CSMD1: variants seen among roughly 807,000 people sequenced by gnomAD.
The protein encoded by CSMD1 is CUB and sushi domain-containing protein 1.
A neutral mutation model predicts 417.5 loss-of-function variants in CSMD1; 213 were observed. The ratio of observed to expected loss-of-function variants is 0.51; its 90% CI spans 0.46 to 0.57. The LOEUF (loss-of-function observed/expected upper bound fraction) is 0.57, where lower values mean the gene tolerates loss of function less well. Among genes scored for constraint, CSMD1 ranks in the 20% least tolerant of loss-of-function variants. CSMD1 has a pLI of 0.00. For missense variants in CSMD1, 6,923 were observed against 4,529.7 expected (o/e 1.53, Z -15.17); for synonymous variants, 2,862 against 1,736.8 (o/e 1.65, Z -16.11).
chr8:3,304,694 C>G (rs1554507732), intron 25 of CSMD1, among the ~76,000 whole-genome samples: 8 of 150,418 alleles, frequency 5.3e-5, no homozygotes. Context: ...GCAATAAAAA[C>G]TGCACGTTTT....
chr8:3,481,611 G>C (rs1481267327), intron 11 of CSMD1, among the ~76,000 whole-genome samples: 1 of 152,144 alleles, frequency 6.6e-6, no homozygotes. Context: ...ATCGAAATGT[G>C]GGGGATTGTC....
rs76237440 is a variant in CSMD1, at chr8:4,025,531, T to G, written c.610+6374A>C. Among the ~76,000 whole-genome samples, 24 of 152,334 alleles carry G rather than the reference T, an allele frequency of 1.6e-4. No homozygotes were observed. In the East Asian group the frequency reaches 2.1e-3, roughly 13 times the overall value. ...TTTTCATTGAAACTATCTAGCTGCT[T>G]CTTCTCTTTTTTCATATTTCTCCCC... is the stretch of plus-strand genomic sequence containing the variant. On this transcript the variant is annotated intron_variant, in intron 4 of 69. Coordinates refer to ENST00000635120, the MANE Select transcript of CSMD1 (RefSeq NM_033225.6).
intron 3 of CSMD1, among the ~76,000 whole-genome samples, chr8:4,154,964 T>G (rs1271873974): frequency 1.3e-5 from 2 of 152,160 alleles, no homozygotes; most frequent in African/African-American, 2.4e-5. Context: ...GAAAATTAAG[T>G]GGGCTACCCT....
chr8:3,993,717 G>C (rs771610572), intron 5 of CSMD1, among the ~76,000 whole-genome samples: 1 of 152,142 alleles, frequency 6.6e-6, no homozygotes. Flanking sequence ...GAAGTCATAA[G>C]GCAGCCCTAA....
At chr8:3,804,679 A>C (rs1234904574) in intron 5 of CSMD1, among the ~76,000 whole-genome samples, 1 of 152,214 alleles carries the variant, frequency 6.6e-6, no homozygotes, top group Non-Finnish European at 1.5e-5. Flanking sequence ...AATTAAGAGA[A>C]ATGTGAGTAG....
At chr8:4,092,783 C>T (rs1361062459) in intron 3 of CSMD1, among the ~76,000 whole-genome samples, 1 of 152,072 alleles carries the variant, frequency 6.6e-6, no homozygotes, top group Non-Finnish European at 1.5e-5. Context: ...TGTATTATTT[C>T]ATGAAATCTA....
chr8:4,833,780 A>T (rs190968949), intron 1 of CSMD1, among the ~76,000 whole-genome samples: 6 of 152,166 alleles, frequency 3.9e-5, no homozygotes, highest in Non-Finnish European at 8.8e-5. Flanking sequence ...TTAGGATATG[A>T]TCCCATGGAA....
At chr8:3,906,056 G>A (rs561815432) in intron 5 of CSMD1, among the ~76,000 whole-genome samples, 3 of 152,126 alleles carry the variant, frequency 2.0e-5, no homozygotes, top group Non-Finnish European at 2.9e-5. Flanking sequence ...GAGAGGAGGT[G>A]AAGAGACTCA....
chr8:3,633,546 C>G (rs558540407), intron 7 of CSMD1, among the ~76,000 whole-genome samples: 2 of 152,252 alleles, frequency 1.3e-5, no homozygotes, highest in South Asian at 2.1e-4. Flanking sequence ...ATTAGTGGTG[C>G]ACGCACGTCA....
chr8:3,118,244 C>CTAATTAATATTAGAATTAATTTAATT (rs1241395682), intron 42 of CSMD1, among the ~76,000 whole-genome samples, 155 bp downstream of exon 42: 2 of 152,138 alleles, frequency 1.3e-5, no homozygotes, highest in East Asian at 3.9e-4. Flanking sequence ...GCGACATATT[C>CTAATTAATATTAGAATTAATTTAATT]CTTAAATACT....
At chr8:4,176,427 C>T (rs997126424) in intron 3 of CSMD1, among the ~76,000 whole-genome samples, 19 of 152,124 alleles carry the variant, frequency 1.2e-4, no homozygotes, top group African/African-American at 4.3e-4. Context: ...ATGATTTTTA[C>T]CTTGGAAGCT....
At chr8:2,979,381 G>T (rs1024267776) in intron 54 of CSMD1, among the ~76,000 whole-genome samples, 1 of 152,260 alleles carries the variant, frequency 6.6e-6, no homozygotes, top group African/African-American at 2.4e-5. Context: ...CCGTGGTGAG[G>T]CAGTCTTCTG....
chr8:3,675,530 T>C (rs1799327916), intron 7 of CSMD1, among the ~76,000 whole-genome samples: 1 of 152,162 alleles, frequency 6.6e-6, no homozygotes, highest in Admixed American at 6.5e-5. Context: ...TCCAATGAGA[T>C]GGTGTTTGGA....
intron 8 of CSMD1, among the ~76,000 whole-genome samples, chr8:3,604,187 A>T (rs1300339425): frequency 6.6e-6 from 1 of 152,210 alleles, no homozygotes; most frequent in Non-Finnish European, 1.5e-5. Context: ...GGGCAGATAG[A>T]AAATATATAA....
intron 3 of CSMD1, among the ~76,000 whole-genome samples, chr8:4,214,674 G>A (rs896113028): frequency 3.9e-5 from 6 of 152,144 alleles, no homozygotes; most frequent in African/African-American, 1.4e-4. Flanking sequence ...ATGAGTATGA[G>A]TGTGTTTGGT....
At chr8:3,969,534 G>A (rs567291396) in intron 5 of CSMD1, among the ~76,000 whole-genome samples, 3 of 152,064 alleles carry the variant, frequency 2.0e-5, no homozygotes, top group Admixed American at 1.3e-4. Flanking sequence ...TGAAATCTCT[G>A]TAAAATGAAA....
chr8:4,239,489 C>T (rs190873973), intron 3 of CSMD1, among the ~76,000 whole-genome samples: 4 of 152,204 alleles, frequency 2.6e-5, no homozygotes, highest in African/African-American at 9.6e-5. Flanking sequence ...CTCAGATCAG[C>T]TGCCCCACCC....
intron 37 of CSMD1, among the ~76,000 whole-genome samples, chr8:3,177,232 T>C (rs1259105011): frequency 6.6e-6 from 1 of 152,190 alleles, no homozygotes; most frequent in African/African-American, 2.4e-5. Context: ...CGTGTGACTC[T>C]GGATGCAGAC....
At chr8:4,699,052 G>T (rs960728996) in intron 1 of CSMD1, among the ~76,000 whole-genome samples, 1 of 151,946 alleles carries the variant, frequency 6.6e-6, no homozygotes, top group Non-Finnish European at 1.5e-5. Context: ...CCACAGTTTT[G>T]GGAAAAAATG....
Sources: allele counts gnomAD v4.1 joint callset (sites outside exome capture counted in the v4.1 genomes callset), GRCh38; gene constraint gnomAD v4.1.1; transcripts MANE v1.5; gene names NCBI Gene and HGNC (gene_info 2026-07-23, HGNC 2026-07-21).